ABLIM1: variants seen among roughly 807,000 people sequenced by gnomAD.
The protein encoded by ABLIM1 is actin binding LIM protein 1.
A neutral mutation model predicts 107.0 loss-of-function variants in ABLIM1; 40 were observed. That is an observed-to-expected ratio of 0.37 (90% CI 0.29 to 0.49). The LOEUF (loss-of-function observed/expected upper bound fraction) is 0.49, where lower values mean the gene tolerates loss of function less well. ABLIM1 is among the 20% of genes least tolerant of loss of function. The pLI is 0.97. For missense variants in ABLIM1, 857 were observed against 1,008.5 expected (o/e 0.85, Z 2.04); for synonymous variants, 357 against 357.3 (o/e 1.00, Z 0.01).
At chr10:114,504,706 G>A (rs993011341) in intron 6 of ABLIM1, among the ~76,000 whole-genome samples, 2 of 152,134 alleles carry the variant, frequency 1.3e-5, no homozygotes, top group African/African-American at 2.4e-5. Context: ...TAAAAAGGGG[G>A]AGGTCTGATC....
chr10:114,504,650 C>T (rs1016017246), intron 6 of ABLIM1, among the ~76,000 whole-genome samples: 9 of 152,000 alleles, frequency 5.9e-5, no homozygotes, highest in African/African-American at 1.7e-4. Flanking sequence ...TGATTTTTGA[C>T]GTGTTATAAG....
chr10:114,551,084 G>A (rs901608690), intron 4 of ABLIM1, among the ~76,000 whole-genome samples: 4 of 152,120 alleles, frequency 2.6e-5, no homozygotes, highest in Non-Finnish European at 2.9e-5. Context: ...AGGAAGACTC[G>A]GGCAAGTTAC....
At chr10:114,605,836 T>A (rs1244529814) in intron 1 of ABLIM1, among the ~76,000 whole-genome samples, 1 of 152,140 alleles carries the variant, frequency 6.6e-6, no homozygotes, top group African/African-American at 2.4e-5. Context: ...AGTTTCACAC[T>A]GTCTTTCAGA....
intron 1 of ABLIM1, among the ~76,000 whole-genome samples, chr10:114,725,024 C>A (rs1270164811): frequency 6.6e-6 from 1 of 152,176 alleles, no homozygotes; most frequent in Non-Finnish European, 1.5e-5. Context: ...CTCCCTCCAT[C>A]CCCAGCCACA....
At chr10:114,620,957 G>A (rs1043822420) in intron 1 of ABLIM1, among the ~76,000 whole-genome samples, 5 of 152,090 alleles carry the variant, frequency 3.3e-5, no homozygotes, top group East Asian at 3.9e-4. Context: ...GCATCCATAC[G>A]TCTGACCCCA....
At chr10:114,787,500 CCCGGCCAGCCGCCCTGT>C in the ABLIM1 span, among the ~76,000 whole-genome samples, 2 of 146,686 alleles carry the variant, frequency 1.4e-5, no homozygotes, top group South Asian at 4.3e-4. Context: ...AGCCCCTCTG[CCCGGCCAGCCGCCCTGT>C]CCGGGAGGGA....
chr10:114,521,950 T>C (rs1382430918), intron 6 of ABLIM1, among the ~76,000 whole-genome samples: 2 of 152,018 alleles, frequency 1.3e-5, no homozygotes, highest in African/African-American at 2.4e-5. Context: ...GAAGCAACTT[T>C]AGCTAGGTGA....
intron 1 of ABLIM1, among the ~76,000 whole-genome samples, chr10:114,704,634 G>C (rs1183083268): frequency 6.6e-6 from 1 of 151,118 alleles, no homozygotes; most frequent in Non-Finnish European, 1.5e-5. Context: ...CATTCTAAGG[G>C]GGGTGGGGGT....
chr10:114,696,513 C>T (rs1231900086), intron 1 of ABLIM1, among the ~76,000 whole-genome samples: 1 of 152,072 alleles, frequency 6.6e-6, no homozygotes, highest in African/African-American at 2.4e-5. Context: ...AATTGTAGCT[C>T]CCATAATTCT....
rs2058841332 is a variant in ABLIM1, at chr10:114,431,369, T to A, written c.*4891A>T. The A allele has an allele frequency of 6.6e-6, 1 of 152,206 alleles. No individual in the cohort carries two copies. The highest frequency in any genetic ancestry group is 1.5e-5 in the Non-Finnish European group (1 of 68,044). 9.4% of individuals were successfully genotyped at this position (152,206 alleles called of 1,614,324 possible). A position where few individuals can be genotyped will look rare whatever the true frequency, so the allele number is the denominator to read the frequency against. ...TTCAAAAGGAATTCTTCTAAACATT[T>A]GCTTTCATATTTCCAAAAGGGGAGG... is the stretch of plus-strand genomic sequence containing the variant. On this transcript the variant is annotated 3_prime_UTR_variant, in exon 23 of 23. Transcript: ENST00000533213.
intron 1 of ABLIM1, among the ~76,000 whole-genome samples, chr10:114,745,177 T>C (rs1693894958): frequency 6.6e-6 from 1 of 152,084 alleles, no homozygotes; most frequent in African/African-American, 2.4e-5. Context: ...CAATCCTACT[T>C]CCTCTACATC....
chr10:114,563,747 G>A (rs2070168490), intron 4 of ABLIM1, among the ~76,000 whole-genome samples: 1 of 149,740 alleles, frequency 6.7e-6, no homozygotes, highest in Non-Finnish European at 1.5e-5. Flanking sequence ...TTGGGAGGCT[G>A]ATGTGGGAGA....
intron 6 of ABLIM1, among the ~76,000 whole-genome samples, chr10:114,538,815 G>C (rs1565870933): frequency 6.6e-6 from 1 of 152,226 alleles, no homozygotes; most frequent in Non-Finnish European, 1.5e-5. Context: ...TTTGTCCTGA[G>C]TGAACCAGTG....
At chr10:114,601,275 T>G (rs550909288) in intron 2 of ABLIM1, among the ~76,000 whole-genome samples, 58 of 151,774 alleles carry the variant, frequency 3.8e-4, no homozygotes, top group Non-Finnish European at 6.5e-4. Flanking sequence ...CTTTTTTTTT[T>G]TTTTTTAAGA....
At chr10:114,689,680 C>A (rs962904814), upstream of ABLIM1, among the ~76,000 whole-genome samples, 1 of 151,810 alleles carries the variant, frequency 6.6e-6, no homozygotes, top group Non-Finnish European at 1.5e-5. Flanking sequence ...TCTGTTAATT[C>A]TTTTTCTTTT....
rs980736019 is a variant in ABLIM1, at chr10:114,591,383, C to A, written c.379+10444G>T. Reference sequence around the variant, plus strand: ...GACTATTTAAAAAGACAAGTATATACCACTGTCATAAGTCAATAGCCAGTT... The same window carrying A: ...GACTATTTAAAAAGACAAGTATATAACACTGTCATAAGTCAATAGCCAGTT... On this transcript the variant is annotated intron_variant, in intron 2 of 22. Coordinates refer to ENST00000533213, the MANE Select transcript of ABLIM1 (RefSeq NM_002313.7). Among the ~76,000 whole-genome samples the A allele has an allele frequency of 3.9e-5, 6 of 152,094 alleles. No individual in the cohort carries two copies. The South Asian group carries it at 6.2e-4, about 16-fold the overall frequency.
At chr10:114,446,084 T>C (rs2060980880) in intron 15 of ABLIM1, among the ~76,000 whole-genome samples, 1 of 152,224 alleles carries the variant, frequency 6.6e-6, no homozygotes, top group Non-Finnish European at 1.5e-5. Flanking sequence ...AATTTTCAAA[T>C]AGAAAGAAAT....
chr10:114,665,446 G>GA (rs1297232364), intron 1 of ABLIM1, among the ~76,000 whole-genome samples: 1 of 152,096 alleles, frequency 6.6e-6, no homozygotes, highest in Non-Finnish European at 1.5e-5. Flanking sequence ...GGATGCTCCA[G>GA]AAAAAAAGCT....
chr10:114,586,206 C>G (rs114710151), intron 2 of ABLIM1, among the ~76,000 whole-genome samples: 1,863 of 152,274 alleles, frequency 0.012, 37 homozygotes, highest in African/African-American at 0.042. Flanking sequence ...TAAGGCTCTT[C>G]TCAACTCTTT....
Sources: allele counts gnomAD v4.1 joint callset (sites outside exome capture counted in the v4.1 genomes callset), GRCh38; gene constraint gnomAD v4.1.1; transcripts MANE v1.5; gene names NCBI Gene and HGNC (gene_info 2026-07-23, HGNC 2026-07-21).